Variants in GSE1 observed in about 807,000 individuals in gnomAD.
GSE1 encodes the protein Gse1 coiled-coil protein, also known as genetic suppressor element 1.
In GSE1, 32 loss-of-function variants were observed where a neutral mutation model predicts 112.6. That is an observed-to-expected ratio of 0.28 (90% CI 0.21 to 0.38). The LOEUF (loss-of-function observed/expected upper bound fraction) is 0.38, where lower values mean the gene tolerates loss of function less well. GSE1 is among the 10% of genes least tolerant of loss of function. The pLI is 1.00. For synonymous variants in GSE1, 1,115 were observed against 735.6 expected (o/e 1.52, Z -8.35); for missense variants, 2,348 against 1,699.2 (o/e 1.38, Z -6.71).
In GSE1 at chr16:85,591,056, C is replaced by T. The variant is rs376483441; in HGVS notation, c.37+34693C>T. ...TGTCCCGAGGGCCACCCTGCCCTTT[C>T]CTCCTTACTCTTGTTCGTGTGGGAA... On this transcript the variant is annotated intron_variant, in intron 1 of 2. Transcript: ENST00000635906. Among the ~76,000 whole-genome samples, 27 of 152,328 alleles carry T rather than the reference C, an allele frequency of 1.8e-4. No individual in the cohort carries two copies. The East Asian group carries it at 4.4e-3, about 25-fold the overall frequency.
chr16:85,555,878 C>T (rs2045184140), upstream of GSE1: 1 of 796,340 alleles, frequency 1.3e-6, no homozygotes, highest in African/African-American at 2.0e-5. Context: ...CCCCCAATTT[C>T]ATCACCCTCA....
In GSE1 at chr16:85,674,938, CAG is replaced by C. The variant is rs1456480336; in HGVS notation, c.*2401_*2402del. ...CTTGCTCAAGAAGTAATACGACAAT[CAG>C]AATACAAACCAGTAAGGCAACACGA... On this transcript the variant is annotated 3_prime_UTR_variant, in exon 16 of 16. Transcript: ENST00000253458. 1.3e-5 allele frequency: 2 copies of C among 152,612 alleles called. No individual in the cohort carries two copies. The highest frequency in any genetic ancestry group is 2.9e-5 in the Non-Finnish European group (2 of 68,040). The allele number at this position is 152,612 out of a possible 1,614,324, so 9.5% of individuals were successfully genotyped here.
chr16:85,399,590 C>T (rs2048047658), intron 2 of GSE1, among the ~76,000 whole-genome samples: 2 of 152,178 alleles, frequency 1.3e-5, no homozygotes, highest in Non-Finnish European at 2.9e-5. Flanking sequence ...AGCTGCCTGC[C>T]TGCTTTCTTT....
At position 85,672,490 on chromosome 16, in the gene GSE1, T is replaced by G. The variant is rs756949814; in HGVS notation, c.3605T>G (p.Leu1202Trp). ...GACCACTTACGAAAGTGCCTTGCCT[T>G]GCCTGCAATGCACTGGCCTAGGGGC... ...ELDHLRKCLA[L>W]PAMHWPRGYL... The change falls in exon 16 of 16, where the codon TTG becomes TGG. Residue 1202 changes from leucine (L) to tryptophan (W), a missense_variant. Transcript: ENST00000253458. 3 of 1,612,234 alleles carry G rather than the reference T, an allele frequency of 1.9e-6. No individual in the cohort carries two copies. The highest frequency in any genetic ancestry group is 2.5e-6 in the Non-Finnish European group (3 of 1,178,452).
chr16:85,191,562 T>C (rs1485854186), intron 1 of GSE1, among the ~76,000 whole-genome samples: 5 of 152,204 alleles, frequency 3.3e-5, no homozygotes, highest in Admixed American at 1.3e-4. Flanking sequence ...AGCTGATCTT[T>C]CCTGTTTCCC....
chr16:85,445,871 C>T lies in GSE1; in HGVS notation c.2464+88228C>T, dbSNP rs577281758. On this transcript the variant is annotated intron_variant, in intron 2 of 2. Coordinates refer to the GSE1 transcript ENST00000637419. ...GGGTCAGGCTGATGAGTTCACATCC[C>T]GGCACTGTCACCTAGTAACTGTGTG... 2.0e-4 allele frequency among the ~76,000 whole-genome samples: 30 copies of T among 152,310 alleles called. No individual in the cohort carries two copies. The East Asian group carries it at 4.1e-3, about 21-fold the overall frequency.
chr16:85,387,181 G>C (rs566686897), intron 2 of GSE1, among the ~76,000 whole-genome samples: 2 of 152,120 alleles, frequency 1.3e-5, no homozygotes, highest in Admixed American at 6.5e-5. Flanking sequence ...TGTGCACAAC[G>C]GACACCGGGC....
chr16:85,549,066 C>T (rs1028970295), intron 2 of GSE1, among the ~76,000 whole-genome samples: 5 of 152,092 alleles, frequency 3.3e-5, no homozygotes, highest in Admixed American at 6.5e-5. Flanking sequence ...GGATTACAGC[C>T]GTGAGCCACC....
chr16:85,486,060 G>T (rs2050827096), intron 2 of GSE1, among the ~76,000 whole-genome samples: 1 of 152,150 alleles, frequency 6.6e-6, no homozygotes, highest in African/African-American at 2.4e-5. Flanking sequence ...TCAGTGCAGT[G>T]AGGGTGCCCA....
chr16:85,611,294 G>A (rs1346885077), upstream of GSE1: 1 of 149,854 alleles, frequency 6.7e-6, no homozygotes, highest in East Asian at 2.0e-4. Flanking sequence ...GACTCCCAGT[G>A]GGGGTGGAGG....
intron 2 of GSE1, among the ~76,000 whole-genome samples, chr16:85,637,112 C>T (rs1414563464): frequency 1.3e-5 from 2 of 152,224 alleles, no homozygotes; most frequent in Non-Finnish European, 2.9e-5. Flanking sequence ...GTTGTGTGAC[C>T]ATCTAATTCT....
intron 1 of GSE1, among the ~76,000 whole-genome samples, chr16:85,239,504 C>A (rs146218700): frequency 3.9e-4 from 59 of 152,312 alleles, no homozygotes; most frequent in African/African-American, 1.3e-3. Flanking sequence ...TGCCCTGAGT[C>A]CCCCTGGGCT....
chr16:85,670,050 G>C (rs944722199), intron 14 of GSE1, among the ~76,000 whole-genome samples: 9 of 152,204 alleles, frequency 5.9e-5, no homozygotes, highest in Non-Finnish European at 1.3e-4. Flanking sequence ...GAATTTACAG[G>C]CGTGGTTGGC....
chr16:85,245,840 T>A (rs778070508), intron 1 of GSE1, among the ~76,000 whole-genome samples: 5 of 151,698 alleles, frequency 3.3e-5, no homozygotes, highest in Middle Eastern at 3.4e-3. Flanking sequence ...ACCCTGAACT[T>A]TCCTGGTCCT....
rs529237743 is a variant in GSE1, at chr16:85,675,233, G to A, written c.*2694G>A. ...GTCGATTATGCCACCTGTGTGTCAGGATGCACCTGAAAGCCCTCGGCTCGG... is the reference window on the plus strand; with the variant it reads ...GTCGATTATGCCACCTGTGTGTCAGAATGCACCTGAAAGCCCTCGGCTCGG... On this transcript the variant is annotated 3_prime_UTR_variant, in exon 16 of 16. Coordinates refer to ENST00000253458, the MANE Select transcript of GSE1 (RefSeq NM_014615.5). 6.6e-5 allele frequency: 10 copies of A among 152,278 alleles called. No homozygotes were observed. The highest frequency in any genetic ancestry group is 2.0e-4 in the Admixed American group (3 of 15,292). The allele number at this position is 152,278 out of a possible 1,614,324, so 9.4% of individuals were successfully genotyped here. A position where few individuals can be genotyped will look rare whatever the true frequency, so the allele number is the denominator to read the frequency against.
intron 2 of GSE1, among the ~76,000 whole-genome samples, chr16:85,458,913 G>A (rs1302962591): frequency 1.3e-5 from 2 of 152,146 alleles, no homozygotes; most frequent in Admixed American, 6.5e-5. Context: ...CTTCAGCAAG[G>A]AGGTACCTAT....
intron 1 of GSE1, among the ~76,000 whole-genome samples, chr16:85,599,716 T>G (rs929678607): frequency 6.6e-6 from 1 of 152,190 alleles, no homozygotes; most frequent in Non-Finnish European, 1.5e-5. Context: ...TCTCTTCCTT[T>G]CTCTTTCTCC....
Position 85,663,105 on chromosome 16 carries a change from T to TCCTCC in GSE1, c.2373+15_2373+19dup. 6.4e-7 allele frequency: 1 copy of TCCTCC among 1,556,278 alleles called. No individual in the cohort carries two copies. Among genetic ancestry groups the TCCTCC allele is most frequent in the South Asian group, 1.1e-5 (1 of 89,970 alleles). On this transcript the variant is annotated intron_variant, in intron 10 of 15. Transcript: ENST00000253458. ...ACACGTCCTCTGAGGTACTGGGCTC[T>TCCTCC]CCTCCCCACGGACATGCTCTGGGCT...
chr16:85,428,261 G>A (rs1206060323), intron 2 of GSE1, among the ~76,000 whole-genome samples: 1 of 152,222 alleles, frequency 6.6e-6, no homozygotes, highest in Non-Finnish European at 1.5e-5. Context: ...CTCCTGACCT[G>A]GGCTTCCTGC....
Sources: allele counts gnomAD v4.1 joint callset (sites outside exome capture counted in the v4.1 genomes callset), GRCh38; gene constraint gnomAD v4.1.1; transcripts MANE v1.5; gene names NCBI Gene and HGNC (gene_info 2026-07-23, HGNC 2026-07-21).